The following ATP2C1 variants were observed in gnomAD, a reference collection of about 807,000 sequenced individuals.
ATP2C1 encodes ATPase secretory pathway Ca2+ transporting 1, also known as calcium-transporting ATPase type 2C member 1.
In ATP2C1, 31 loss-of-function variants were observed where a neutral mutation model predicts 120.5. The ratio of observed to expected loss-of-function variants is 0.26; its 90% CI spans 0.19 to 0.35. The LOEUF (loss-of-function observed/expected upper bound fraction) is 0.35. Among genes scored for constraint, ATP2C1 ranks in the 10% least tolerant of loss-of-function variants. The pLI, the probability that ATP2C1 is intolerant of heterozygous loss-of-function variation, is 1.00. For missense variants in ATP2C1, 731 were observed against 1,107.5 expected, an observed-to-expected ratio of 0.66 and a Z score of 4.83; for synonymous variants, 351 against 358.7, an observed-to-expected ratio of 0.98 and a Z score of 0.24.
At chr3:130,994,158 C>G in intron 22 of ATP2C1, 60 bp downstream of exon 22, 3 of 1,588,420 alleles carry the variant, frequency 1.9e-6, no homozygotes, top group East Asian at 4.5e-5. Flanking sequence ...TCCTGTCCCC[C>G]ACCCCTAGAG....
chr3:130,912,360 A>G (rs564981957), intron 2 of ATP2C1, among the ~76,000 whole-genome samples: 1 of 151,940 alleles, frequency 6.6e-6, no homozygotes, highest in South Asian at 2.1e-4. Context: ...TCATCTGACA[A>G]AGGGCAAATA....
Position 130,975,522 on chromosome 3 carries a change from A to G in ATP2C1, c.1570+34A>G, listed in dbSNP as rs760190871. 9 of 1,608,108 alleles carry G rather than the reference A, an allele frequency of 5.6e-6. No homozygotes were observed. In the African/African-American group the frequency reaches 9.4e-5, roughly 17 times the overall value. On this transcript the variant is annotated intron_variant, in intron 18 of 27. Coordinates refer to ENST00000510168, the MANE Select transcript of ATP2C1 (RefSeq NM_001378687.1). ...ATTTCAGCATAGTCCCCTGGGGTGGAAAGGTAGAGCCTTCTTTTAATTGCA... is the reference window on the plus strand; with the variant it reads ...ATTTCAGCATAGTCCCCTGGGGTGGGAAGGTAGAGCCTTCTTTTAATTGCA...
chr3:130,874,298 T>G (rs561814908), intron 1 of ATP2C1, among the ~76,000 whole-genome samples: 5 of 152,304 alleles, frequency 3.3e-5, no homozygotes, highest in South Asian at 2.1e-4. Context: ...CTGAAGTCAA[T>G]AGCCAATTTT....
intron 2 of ATP2C1, chr3:130,919,266 C>A (rs1252508294): frequency 1.2e-5 from 2 of 170,888 alleles, no homozygotes; most frequent in African/African-American, 4.9e-5. Context: ...CTCTTTTCGC[C>A]GAGGCTAGAG....
chr3:130,992,009 A>G (rs377278004), intron 20 of ATP2C1, among the ~76,000 whole-genome samples: 5 of 152,236 alleles, frequency 3.3e-5, no homozygotes, highest in Middle Eastern at 3.2e-3. Flanking sequence ...TGAAATCACC[A>G]TAACTTGTAA....
chr3:130,954,032 C>T (rs984928458), intron 9 of ATP2C1, 56 bp downstream of exon 9: 9 of 1,592,104 alleles, frequency 5.7e-6, no homozygotes, highest in East Asian at 4.5e-5. Context: ...ACTATTTTCT[C>T]AATTATTTTT....
chr3:130,920,218 G>A (rs2058889467), intron 2 of ATP2C1, among the ~76,000 whole-genome samples: 2 of 152,024 alleles, frequency 1.3e-5, no homozygotes, highest in Non-Finnish European at 2.9e-5. Flanking sequence ...TTTTTGTTTT[G>A]GTTGCTTATG....
At chr3:130,960,421 T>C (rs961101487) in intron 12 of ATP2C1, among the ~76,000 whole-genome samples, 2 of 152,188 alleles carry the variant, frequency 1.3e-5, no homozygotes, top group African/African-American at 4.8e-5. Flanking sequence ...TTTTGAAACA[T>C]GCATTTCCAG....
At chr3:130,944,180 T>C (rs1006769631) in intron 8 of ATP2C1, among the ~76,000 whole-genome samples, 38 of 152,338 alleles carry the variant, frequency 2.5e-4, no homozygotes, top group Admixed American at 1.6e-3. Context: ...GTTGCAACTT[T>C]AGTGTCATCA....
At chr3:130,934,198 G>A (rs773340905) in intron 4 of ATP2C1, among the ~76,000 whole-genome samples, 1 of 151,972 alleles carries the variant, frequency 6.6e-6, no homozygotes, top group Non-Finnish European at 1.5e-5. Context: ...CCACAGAATT[G>A]TAATCTACAC....
Position 131,002,888 on chromosome 3 carries a change from A to G in ATP2C1, c.*1538A>G. 3 of 985,818 alleles carry G rather than the reference A, an allele frequency of 3.0e-6. No homozygotes were observed. The highest frequency in any genetic ancestry group is 3.6e-6 in the Non-Finnish European group (3 of 829,900). The allele number at this position is 985,818 out of a possible 1,614,324, so 61.1% of individuals were successfully genotyped here. On this transcript the variant is annotated 3_prime_UTR_variant, in exon 28 of 28. Transcript: ENST00000510168. ...ATTCTACTTAACCCTTTAAGGCTGA[A>G]TTGTCAAATGTACATTGTTCCATGT... is the stretch of plus-strand genomic sequence containing the variant.
At position 130,967,171 on chromosome 3, in the gene ATP2C1, T is replaced by G. The variant is rs2108656750; in HGVS notation, c.1149T>G (p.Phe383Leu). Residue 383 changes from phenylalanine (F) to leucine (L), a missense_variant, in exon 15 of 28, where the codon TTT (phenylalanine) becomes TTG (leucine). Phe to Leu is a conservative substitution (Grantham distance 22, BLOSUM62 0). Coordinates refer to ENST00000510168, the MANE Select transcript of ATP2C1 (RefSeq NM_001378687.1). ...TTACTGGAGTTGGCTATAATCAATTTGGGGAAGTGATTGTTGATGGTGATG... is the reference window on the plus strand; with the variant it reads ...TTACTGGAGTTGGCTATAATCAATTGGGGGAAGTGATTGTTGATGGTGATG... ...AEVTGVGYNQ[F>L]GEVIVDGDVV... is the part of the protein sequence containing the mutation. The G allele has an allele frequency of 6.2e-7, 1 of 1,613,710 alleles. No individual in the cohort carries two copies. Among genetic ancestry groups the G allele is most frequent in the East Asian group, 2.2e-5 (1 of 44,868 alleles).
At chr3:130,866,570 CT>C (rs1190877358) in intron 1 of ATP2C1, among the ~76,000 whole-genome samples, 1 of 152,102 alleles carries the variant, frequency 6.6e-6, no homozygotes, top group Non-Finnish European at 1.5e-5. Context: ...AGGATGACAA[CT>C]GTAGCTCCAT....
intron 1 of ATP2C1, among the ~76,000 whole-genome samples, chr3:130,872,341 T>C (rs987341338): frequency 2.0e-5 from 3 of 152,328 alleles, no homozygotes; most frequent in Non-Finnish European, 4.4e-5. Flanking sequence ...ACTGGAAAGA[T>C]GAAATCAGTA....
At chr3:130,926,038 C>T (rs1018182024) in intron 2 of ATP2C1, among the ~76,000 whole-genome samples, 1 of 152,120 alleles carries the variant, frequency 6.6e-6, no homozygotes, top group South Asian at 2.1e-4. Context: ...GGATACTTTG[C>T]CCCAGACCAC....
intron 2 of ATP2C1, among the ~76,000 whole-genome samples, chr3:130,898,455 G>C (rs1270025285): frequency 6.6e-6 from 1 of 152,070 alleles, no homozygotes; most frequent in African/African-American, 2.4e-5. Flanking sequence ...TAGGAAACCA[G>C]GTTATAAAAA....
At chr3:130,972,192 G>T (rs1342289695) in intron 17 of ATP2C1, among the ~76,000 whole-genome samples, 1 of 152,156 alleles carries the variant, frequency 6.6e-6, no homozygotes, top group Non-Finnish European at 1.5e-5. Context: ...TCAGGCCCTG[G>T]CTGACCTGAC....
intron 18 of ATP2C1, among the ~76,000 whole-genome samples, chr3:130,977,080 G>A (rs1269363834): frequency 2.0e-5 from 3 of 152,042 alleles, no homozygotes; most frequent in Admixed American, 6.6e-5. Flanking sequence ...GATTATAATC[G>A]TTAGAGCAAG....
intron 1 of ATP2C1, among the ~76,000 whole-genome samples, chr3:130,883,395 G>A (rs1374989786): frequency 6.7e-6 from 1 of 150,050 alleles, no homozygotes; most frequent in East Asian, 1.9e-4. Context: ...TGAGTTTGAT[G>A]TGCTATTGCT....
Sources: gnomAD v4.1 joint callset for allele counts (sites outside exome capture counted in the v4.1 genomes callset) on GRCh38, gnomAD v4.1.1 for gene constraint, MANE v1.5 for transcripts, NCBI Gene and HGNC (gene_info 2026-07-23, HGNC 2026-07-21) for gene names.